KRAS: variants seen among roughly 807,000 people sequenced by gnomAD.
KRAS encodes GTPase KRas.
A neutral mutation model predicts 21.0 loss-of-function variants in KRAS; 1 was observed. The ratio of observed to expected loss-of-function variants is 0.05; its 90% CI spans 0.02 to 0.23. KRAS has a LOEUF of 0.23. KRAS is among the 10% of genes least tolerant of loss of function. The probability of loss-of-function intolerance (pLI) is 1.00; values close to 1 mark genes in which losing one functional copy is unlikely to be tolerated. For synonymous variants in KRAS, 67 were observed against 72.5 expected, an observed-to-expected ratio of 0.92 and a Z score of 0.39; for missense variants, 107 against 221.8, an observed-to-expected ratio of 0.48 and a Z score of 3.29.
intron 2 of KRAS, among the ~76,000 whole-genome samples, chr12:25,240,642 A>T (rs186178154): frequency 1.3e-5 from 2 of 152,322 alleles, no homozygotes; most frequent in East Asian, 3.9e-4. Context: ...GAACATTTCT[A>T]GGATTAAGGA....
chr12:25,215,404 C>T (rs2141488497), intron 4 of KRAS: 1 of 1,612,204 alleles, frequency 6.2e-7, no homozygotes, highest in Non-Finnish European at 8.5e-7. Context: ...CATCTGCTTT[C>T]TGCCAAAATT....
At chr12:25,223,030 A>T (rs1368834638) in intron 4 of KRAS, among the ~76,000 whole-genome samples, 1 of 152,172 alleles carries the variant, frequency 6.6e-6, no homozygotes, top group Non-Finnish European at 1.5e-5. Flanking sequence ...CCCCACCTAA[A>T]CCTTCTGAAT....
chr12:25,235,478 T>C (rs1487962348), intron 2 of KRAS, among the ~76,000 whole-genome samples: 2 of 152,182 alleles, frequency 1.3e-5, no homozygotes, highest in East Asian at 1.9e-4. Context: ...AAACACTTAT[T>C]GAAAATCTAG....
chr12:25,250,422 C>T (rs147920828), intron 1 of KRAS, among the ~76,000 whole-genome samples: 17,860 of 151,950 alleles, frequency 0.12, 1,426 homozygotes, highest in Admixed American at 0.16. Context: ...CCGGCCCGGC[C>T]CGAGTTTCTC....
chr12:25,248,359 A>AGAATCGCTTGAGCCTG (rs200393504), intron 1 of KRAS, among the ~76,000 whole-genome samples: 9,326 of 152,052 alleles, frequency 0.061, 322 homozygotes, highest in South Asian at 0.093. Flanking sequence ...CTGAGGCGGG[A>AGAATCGCTTGAGCCTG]GAATCGCTTG....
At chr12:25,230,120 A>G (rs1211848388) in intron 2 of KRAS, among the ~76,000 whole-genome samples, 2 of 152,170 alleles carry the variant, frequency 1.3e-5, no homozygotes, top group African/African-American at 4.8e-5. Context: ...ATTCTATCAG[A>G]GGGAGAAAGA....
intron 2 of KRAS, among the ~76,000 whole-genome samples, chr12:25,236,007 G>A (rs1951540707): frequency 6.6e-6 from 1 of 152,100 alleles, no homozygotes; most frequent in South Asian, 2.1e-4. Flanking sequence ...GGCAAGTAAT[G>A]CTCACCTCCT....
At chr12:25,250,537 C>T (rs1040995812) in intron 1 of KRAS, among the ~76,000 whole-genome samples, 7 of 152,178 alleles carry the variant, frequency 4.6e-5, no homozygotes, top group Non-Finnish European at 7.4e-5. Context: ...CTCCTCAGCC[C>T]CGCACCGCCC....
chr12:25,248,232 G>T (rs969371738), intron 1 of KRAS, among the ~76,000 whole-genome samples: 1 of 151,962 alleles, frequency 6.6e-6, no homozygotes. Context: ...AGGCTTAGGC[G>T]GGCGGATCAC....
chr12:25,241,756 T>C (rs1300414034), intron 2 of KRAS, among the ~76,000 whole-genome samples: 1 of 152,140 alleles, frequency 6.6e-6, no homozygotes, highest in Non-Finnish European at 1.5e-5. Context: ...TAGCATCTAC[T>C]CAATAGATGC....
Position 25,225,652 on chromosome 12 carries a change from C to T in KRAS, c.412G>A (p.Gly138Arg), listed in dbSNP as rs778702415. Residue 138 changes from glycine to arginine, a missense_variant, in exon 4 of 5, where the codon GGA becomes AGA. Transcript: ENST00000311936. ...GCTGATGTTTCAATAAAAGGAATTC[C>T]ATAACTTCTTGCTAAGTCCTGAGCC... ...KQAQDLARSY[G>R]IPFIETSAKT... 6.2e-7 allele frequency: 1 copy of T among 1,613,060 alleles called. No individual in the cohort carries two copies. Among genetic ancestry groups the T allele is most frequent in the South Asian group, 1.1e-5 (1 of 91,068 alleles).
chr12:25,247,031 T>C (rs1438645611), intron 1 of KRAS, among the ~76,000 whole-genome samples: 1 of 152,222 alleles, frequency 6.6e-6, no homozygotes, highest in Non-Finnish European at 1.5e-5. Flanking sequence ...ACAGATTGTA[T>C]AACAAACACC....
chr12:25,242,129 T>C (rs938850615), intron 2 of KRAS, among the ~76,000 whole-genome samples: 30 of 152,216 alleles, frequency 2.0e-4, no homozygotes, highest in African/African-American at 5.8e-4. Context: ...TAATCTGGTC[T>C]TCCTTACTGA....
At chr12:25,246,426 C>T (rs1029659957) in intron 1 of KRAS, among the ~76,000 whole-genome samples, 6 of 151,890 alleles carry the variant, frequency 4.0e-5, no homozygotes, top group Non-Finnish European at 8.8e-5. Flanking sequence ...GGCGTGGTGG[C>T]GCTCTCCTGT....
At chr12:25,228,136 T>C (rs2141511934) in intron 2 of KRAS, among the ~76,000 whole-genome samples, 1 of 151,434 alleles carries the variant, frequency 6.6e-6, no homozygotes, top group East Asian at 1.9e-4. Context: ...TAAAAGGAAA[T>C]GCTCACTGGA....
intron 2 of KRAS, among the ~76,000 whole-genome samples, chr12:25,242,601 G>A (rs1487081043): frequency 6.6e-6 from 1 of 152,016 alleles, no homozygotes; most frequent in East Asian, 1.9e-4. Flanking sequence ...GCACAGCCTC[G>A]AATACAAACA....
In KRAS at chr12:25,206,912, G is replaced by T. The variant is rs1951144684; in HGVS notation, c.*2883C>A. 1 of 202,304 alleles carries T rather than the reference G, an allele frequency of 4.9e-6. No homozygotes were observed. The highest frequency in any genetic ancestry group is 1.0e-5 in the Non-Finnish European group (1 of 98,406). 12.5% of individuals were successfully genotyped at this position (202,304 alleles called of 1,614,324 possible). On this transcript the variant is annotated 3_prime_UTR_variant, in exon 5 of 5. Coordinates refer to ENST00000311936, the MANE Select transcript of KRAS (RefSeq NM_004985.5). ...AATGTGTACAGTAATTGTCCTAAAA[G>T]AATCACAGTTATGCCAAATAAAAAA...
intron 4 of KRAS, among the ~76,000 whole-genome samples, chr12:25,216,107 C>T (rs535748329): frequency 8.5e-5 from 13 of 152,194 alleles, no homozygotes; most frequent in East Asian, 5.8e-4. Flanking sequence ...AATTTTAACA[C>T]CTTTCAGTCT....
Position 25,209,421 on chromosome 12 carries a change from AC to A in KRAS, c.*373del. 1.1e-6 allele frequency: 1 copy of A among 936,944 alleles called. No homozygotes were observed. The highest frequency in any genetic ancestry group is 1.5e-6 in the Non-Finnish European group (1 of 686,892). The allele number at this position is 936,944 out of a possible 1,614,324, so 58.0% of individuals were successfully genotyped here. A position where few individuals can be genotyped will look rare whatever the true frequency, so the allele number is the denominator to read the frequency against. On this transcript the variant is annotated 3_prime_UTR_variant, in exon 5 of 5. Coordinates refer to ENST00000311936, the MANE Select transcript of KRAS (RefSeq NM_004985.5). ...AATTAGTAATTAATCCATTTATGTG[AC>A]TAGATAAAACACAGAATAGGGATGA...
Sources: gnomAD v4.1 joint callset for allele counts (sites outside exome capture counted in the v4.1 genomes callset) on GRCh38, gnomAD v4.1.1 for gene constraint, MANE v1.5 for transcripts, NCBI Gene and HGNC (gene_info 2026-07-23, HGNC 2026-07-21) for gene names.